Variants in NTRK2 observed in about 807,000 individuals in gnomAD.
NTRK2 encodes neurotrophic receptor tyrosine kinase 2, also known as BDNF/NT-3 growth factors receptor.
Under a neutral mutation model 94.5 loss-of-function variants are expected in NTRK2, and 13 were observed. The ratio of observed to expected loss-of-function variants is 0.14; its 90% CI spans 0.09 to 0.22. The LOEUF (loss-of-function observed/expected upper bound fraction) is 0.22. NTRK2 is among the 10% of genes least tolerant of loss of function. The probability of loss-of-function intolerance (pLI) is 1.00; values close to 1 mark genes in which losing one functional copy is unlikely to be tolerated. For missense variants in NTRK2, 639 were observed against 1,071.2 expected (o/e 0.60, Z 5.63); for synonymous variants, 372 against 407.4 (o/e 0.91, Z 1.05).
In NTRK2 at chr9:85,002,772, G is replaced by A. The variant is rs116260783; in HGVS notation, c.2173-17434G>A. ...GGTAAAGTCTGACCCCTGAAGCAAA[G>A]AGGATGGTCATTCTGCAAGTAGGGC... On this transcript the variant is annotated intron_variant, in intron 17 of 18. Coordinates refer to ENST00000277120, the MANE Select transcript of NTRK2 (RefSeq NM_006180.6). 8.2e-3 allele frequency among the ~76,000 whole-genome samples: 1,254 copies of A among 152,338 alleles called. 25 individuals are homozygous for A. Among genetic ancestry groups the A allele is most frequent in the African/African-American group, 0.028 (1,181 of 41,580 alleles).
chr9:84,744,801 G>A (rs2063923777), intron 10 of NTRK2, among the ~76,000 whole-genome samples, 172 bp from the exon 11 acceptor site: 1 of 152,172 alleles, frequency 6.6e-6, no homozygotes, highest in Admixed American at 6.5e-5. Flanking sequence ...TCTCAGCGCT[G>A]CAGTGCATTG....
At chr9:85,007,993 G>A (rs112610657) in intron 17 of NTRK2, among the ~76,000 whole-genome samples, 2 of 152,138 alleles carry the variant, frequency 1.3e-5, no homozygotes, top group South Asian at 4.1e-4. Flanking sequence ...CTTCAGTGAG[G>A]AACTGGGACC....
At chr9:84,861,141 T>C in intron 13 of NTRK2, 54 bp downstream of exon 13, 1 of 1,379,252 alleles carries the variant, frequency 7.3e-7, no homozygotes, top group Non-Finnish European at 1.0e-6. Flanking sequence ...ATGTTTTTAT[T>C]CGGATGAAAA....
At chr9:84,804,921 T>C (rs1025291659) in intron 12 of NTRK2, among the ~76,000 whole-genome samples, 1 of 152,236 alleles carries the variant, frequency 6.6e-6, no homozygotes, top group African/African-American at 2.4e-5. Context: ...GTGGTAGTAG[T>C]AAAGCCTTTT....
intron 12 of NTRK2, among the ~76,000 whole-genome samples, chr9:84,795,041 C>G (rs555840308): frequency 1.3e-5 from 2 of 152,298 alleles, no homozygotes; most frequent in African/African-American, 2.4e-5. Flanking sequence ...CTTGAGCTCT[C>G]AGCTCTGTCC....
At chr9:84,794,084 G>A (rs1235928390) in intron 12 of NTRK2, among the ~76,000 whole-genome samples, 1 of 152,232 alleles carries the variant, frequency 6.6e-6, no homozygotes, top group Admixed American at 6.5e-5. Flanking sequence ...GTTTGGCAGT[G>A]AGGTTTGGGG....
intron 13 of NTRK2, among the ~76,000 whole-genome samples, chr9:84,863,437 A>G (rs979450133): frequency 6.6e-6 from 1 of 152,186 alleles, no homozygotes; most frequent in Non-Finnish European, 1.5e-5. Context: ...CTTTATATGA[A>G]TATTATAATA....
intron 12 of NTRK2, among the ~76,000 whole-genome samples, chr9:84,794,801 T>C (rs1327365487): frequency 6.6e-6 from 1 of 152,210 alleles, no homozygotes; most frequent in Admixed American, 6.5e-5. Context: ...AATTTTTTTC[T>C]CCATGTCTTG....
chr9:84,758,460 C>T (rs34632776), intron 12 of NTRK2, among the ~76,000 whole-genome samples: 3,977 of 152,134 alleles, frequency 0.026, 78 homozygotes, highest in Admixed American at 0.046. Flanking sequence ...GGCATGATCT[C>T]GGCTCACCAC....
chr9:84,819,060 T>C (rs1427991182), intron 12 of NTRK2, among the ~76,000 whole-genome samples: 1 of 152,188 alleles, frequency 6.6e-6, no homozygotes, highest in Non-Finnish European at 1.5e-5. Flanking sequence ...CTGGAGCCTG[T>C]GTTTACTGAG....
chr9:85,010,457 G>A (rs912727688), intron 17 of NTRK2, among the ~76,000 whole-genome samples: 2 of 152,114 alleles, frequency 1.3e-5, no homozygotes, highest in Non-Finnish European at 2.9e-5. Context: ...TGAAAAGCTC[G>A]GTAACATTGA....
chr9:84,906,131 G>A (rs888028704), intron 14 of NTRK2, among the ~76,000 whole-genome samples: 7 of 152,200 alleles, frequency 4.6e-5, no homozygotes, highest in Admixed American at 2.0e-4. Flanking sequence ...CTATGGAAGG[G>A]AGATTTGGCT....
chr9:84,777,061 T>A (rs1025156784), intron 12 of NTRK2, among the ~76,000 whole-genome samples: 1 of 152,218 alleles, frequency 6.6e-6, no homozygotes, highest in Non-Finnish European at 1.5e-5. Context: ...TATTTCCTAA[T>A]ACCTAGATTG....
At chr9:84,806,017 T>A (rs2071069662) in intron 12 of NTRK2, among the ~76,000 whole-genome samples, 1 of 152,236 alleles carries the variant, frequency 6.6e-6, no homozygotes, top group African/African-American at 2.4e-5. Context: ...TTTCAGATAT[T>A]CTGTTATAAG....
intron 15 of NTRK2, among the ~76,000 whole-genome samples, chr9:84,945,753 C>T (rs563897554): frequency 7.2e-5 from 11 of 152,304 alleles, no homozygotes; most frequent in East Asian, 1.9e-4. Flanking sequence ...AAGGAATGTG[C>T]GGTTTCTATG....
chr9:84,813,468 A>G (rs202175694), intron 12 of NTRK2: 514 of 1,064,314 alleles, frequency 4.8e-4, no homozygotes, highest in Non-Finnish European at 5.7e-4. Flanking sequence ...CTCTCACGGT[A>G]TCCTTCTGTC....
chr9:84,740,520 A>C (rs1200303569), intron 9 of NTRK2, among the ~76,000 whole-genome samples: 1 of 152,194 alleles, frequency 6.6e-6, no homozygotes. Flanking sequence ...TTCCCATCAC[A>C]TGTGGCTGCA....
At chr9:85,017,271 G>A (rs78733968) in intron 17 of NTRK2, among the ~76,000 whole-genome samples, 2,638 of 152,226 alleles carry the variant, frequency 0.017, 64 homozygotes, top group African/African-American at 0.06. Flanking sequence ...TTTCACAAAT[G>A]CCTGCTTGAG....
chr9:84,850,379 T>C (rs1239158822), intron 12 of NTRK2, among the ~76,000 whole-genome samples: 4 of 152,166 alleles, frequency 2.6e-5, no homozygotes, highest in Non-Finnish European at 5.9e-5. Flanking sequence ...TTCGAATGAA[T>C]TAATAGGAAA....
Sources: allele counts gnomAD v4.1 joint callset (sites outside exome capture counted in the v4.1 genomes callset), GRCh38; gene constraint gnomAD v4.1.1; transcripts MANE v1.5; gene names NCBI Gene and HGNC (gene_info 2026-07-23, HGNC 2026-07-21).